The following CDH12 variants were observed in gnomAD, a reference collection of about 807,000 sequenced individuals.
The protein encoded by CDH12 is cadherin 12.
A neutral mutation model predicts 74.1 loss-of-function variants in CDH12; 41 were observed. That is an observed-to-expected ratio of 0.55 (90% confidence interval 0.43 to 0.72). The LOEUF (loss-of-function observed/expected upper bound fraction) is 0.72. Among genes scored for constraint, CDH12 ranks in the 30% least tolerant of loss-of-function variants. The pLI is 0.00. For synonymous variants in CDH12, 399 were observed against 355.0 expected (o/e 1.12, Z -1.39); for missense variants, 945 against 977.2 (o/e 0.97, Z 0.44).
chr5:22,474,408 G>A (rs559688042), intron 2 of CDH12, among the ~76,000 whole-genome samples: 1 of 152,256 alleles, frequency 6.6e-6, no homozygotes, highest in South Asian at 2.1e-4. Flanking sequence ...CATCGGAGTG[G>A]CATGATCAAG....
Position 22,696,395 on chromosome 5 carries a change from T to A in CDH12, c.-523+156663A>T, listed in dbSNP as rs957862721. ...CAAAAAAAAAAAAAAAAAAAAATTT[T>A]CTTTTATTTTACTTTTCTCCCCATC... On this transcript the variant is annotated intron_variant, in intron 1 of 14. Transcript: ENST00000382254. Among the ~76,000 whole-genome samples the A allele has an allele frequency of 1.9e-3, 276 of 147,366 alleles. 2 individuals carry two copies. The highest frequency in any genetic ancestry group is 6.8e-3 in the African/African-American group (255 of 37,748).
intron 2 of CDH12, among the ~76,000 whole-genome samples, chr5:22,435,391 C>CATAT (rs1223589667): frequency 4.7e-5 from 7 of 149,586 alleles, no homozygotes; most frequent in African/African-American, 1.7e-4. Flanking sequence ...TAATAACCCC[C>CATAT]ATATATATAT....
At chr5:22,666,328 C>T (rs1393993272) in intron 1 of CDH12, among the ~76,000 whole-genome samples, 5 of 132,412 alleles carry the variant, frequency 3.8e-5, no homozygotes, top group Admixed American at 3.6e-4. Context: ...CTGTCTCTGA[C>T]GCCCAGGCTG....
intron 1 of CDH12, among the ~76,000 whole-genome samples, chr5:22,576,274 C>G (rs916344701): frequency 6.6e-6 from 1 of 152,130 alleles, no homozygotes; most frequent in African/African-American, 2.4e-5. Context: ...GAACATCACC[C>G]CTGGCACCTT....
At chr5:22,047,526 A>C (rs1470348244) in intron 5 of CDH12, among the ~76,000 whole-genome samples, 2 of 148,088 alleles carry the variant, frequency 1.4e-5, no homozygotes, top group East Asian at 2.0e-4. Flanking sequence ...AAAAGTAAAC[A>C]CCCCCCCCCA....
chr5:22,266,656 T>G (rs995821474), intron 3 of CDH12, among the ~76,000 whole-genome samples: 1 of 152,092 alleles, frequency 6.6e-6, no homozygotes, highest in African/African-American at 2.4e-5. Context: ...ATGTTAGAAA[T>G]GAACATATAT....
At chr5:22,420,308 T>C (rs1348085587) in intron 2 of CDH12, among the ~76,000 whole-genome samples, 2 of 152,154 alleles carry the variant, frequency 1.3e-5, no homozygotes, top group South Asian at 2.1e-4. Flanking sequence ...TAGTTTTGGG[T>C]TTTACATTTA....
intron 3 of CDH12, among the ~76,000 whole-genome samples, chr5:22,370,318 T>C (rs1210274685): frequency 6.6e-6 from 1 of 152,150 alleles, no homozygotes; most frequent in Non-Finnish European, 1.5e-5. Context: ...GCTTAGGCTA[T>C]TTAACTTTCA....
intron 1 of CDH12, among the ~76,000 whole-genome samples, chr5:22,788,626 A>T (rs1747760296): frequency 6.7e-6 from 1 of 148,164 alleles, no homozygotes; most frequent in Admixed American, 6.8e-5. Flanking sequence ...AATAAATACA[A>T]TATGTAACTG....
At chr5:21,833,132 A>G (rs1218297063) in intron 8 of CDH12, among the ~76,000 whole-genome samples, 1 of 43,376 alleles carries the variant, frequency 2.3e-5, no homozygotes, top group Non-Finnish European at 3.6e-5. Flanking sequence ...ATATTATATT[A>G]TAAATATATA....
chr5:22,000,885 A>G (rs1736566462), intron 5 of CDH12, among the ~76,000 whole-genome samples: 1 of 152,138 alleles, frequency 6.6e-6, no homozygotes, highest in Admixed American at 6.6e-5. Context: ...AAATCAATAG[A>G]CTTTTTACTT....
At chr5:22,544,199 T>A (rs1738220261) in intron 1 of CDH12, among the ~76,000 whole-genome samples, 1 of 152,108 alleles carries the variant, frequency 6.6e-6, no homozygotes, top group Non-Finnish European at 1.5e-5. Context: ...ATAATCACAG[T>A]TGCCTTCCAA....
intron 1 of CDH12, among the ~76,000 whole-genome samples, chr5:22,623,849 A>G (rs1738119954): frequency 6.6e-6 from 1 of 152,234 alleles, no homozygotes; most frequent in African/African-American, 2.4e-5. Context: ...AAGAGCCCGC[A>G]TTGCCAAGAC....
In CDH12 at chr5:22,508,571, A is replaced by C. The variant is rs546827623; in HGVS notation, c.-522-3207T>G. Among the ~76,000 whole-genome samples the C allele has an allele frequency of 2.0e-5, 3 of 152,276 alleles. No homozygotes were observed. In the South Asian group the frequency reaches 6.2e-4, roughly 32 times the overall value. On this transcript the variant is annotated intron_variant, in intron 1 of 14. Coordinates refer to ENST00000382254, the MANE Select transcript of CDH12 (RefSeq NM_004061.5). ...GCACCTTTTAAAGATCTGAATAGGA[A>C]GCATTTGTCATCTGTTGTCTCTAAG...
intron 4 of CDH12, among the ~76,000 whole-genome samples, chr5:22,134,136 G>A (rs1429994454): frequency 1.3e-5 from 2 of 152,102 alleles, no homozygotes; most frequent in East Asian, 1.9e-4. Context: ...TACCAAGCTA[G>A]CGTGACCATC....
At position 21,868,342 on chromosome 5, in the gene CDH12, C is replaced by T. The variant is rs1264328438; in HGVS notation, c.527-13552G>A. On this transcript the variant is annotated intron_variant, in intron 6 of 14. Transcript: ENST00000382254. ...ATACACCATGTCAGAGAGTCCCCAA[C>T]CAGACAAAGCATAGTGGATCCCTGA... Among the ~76,000 whole-genome samples the T allele has an allele frequency of 5.3e-5, 8 of 152,180 alleles. No homozygotes were observed. The East Asian group carries it at 1.3e-3, about 26-fold the overall frequency.
At chr5:22,459,816 A>C (rs538357929) in intron 2 of CDH12, among the ~76,000 whole-genome samples, 1 of 152,022 alleles carries the variant, frequency 6.6e-6, no homozygotes, top group Non-Finnish European at 1.5e-5. Flanking sequence ...AACACAAAAA[A>C]TTAGCCGGGC....
intron 6 of CDH12, among the ~76,000 whole-genome samples, chr5:21,865,851 G>A (rs567687454): frequency 3.9e-5 from 6 of 152,120 alleles, no homozygotes; most frequent in African/African-American, 1.2e-4. Context: ...ACATCTGTAC[G>A]AATGAGGCCA....
chr5:22,404,299 T>C (rs1016663453), intron 3 of CDH12, among the ~76,000 whole-genome samples: 2 of 152,134 alleles, frequency 1.3e-5, no homozygotes, highest in African/African-American at 4.8e-5. Context: ...AAGTTTTGCT[T>C]AGAATAAAAA....
Sources: allele counts gnomAD v4.1 joint callset (sites outside exome capture counted in the v4.1 genomes callset), GRCh38; gene constraint gnomAD v4.1.1; transcripts MANE v1.5; gene names NCBI Gene and HGNC (gene_info 2026-07-23, HGNC 2026-07-21).